Variants in ADGRE1 observed in about 807,000 individuals in gnomAD.
The protein encoded by ADGRE1 is EGF-like module receptor 1.
In ADGRE1, 82 loss-of-function variants were observed where a neutral mutation model predicts 102.7. That is an observed-to-expected ratio of 0.80 (90% confidence interval 0.67 to 0.96). ADGRE1 has a LOEUF of 0.96. Ranked by LOEUF, ADGRE1 falls within the 40% of genes least tolerant of loss-of-function variation. The probability of loss-of-function intolerance (pLI) is 0.00; values close to 1 mark genes in which losing one functional copy is unlikely to be tolerated. For missense variants in ADGRE1, 1,032 were observed against 1,085.3 expected (o/e 0.95, Z 0.69); for synonymous variants, 398 against 399.6 (o/e 1.00, Z 0.05).
At chr19:6,923,033 T>C (rs1482743215) in intron 14 of ADGRE1, among the ~76,000 whole-genome samples, 1 of 152,142 alleles carries the variant, frequency 6.6e-6, no homozygotes, top group Non-Finnish European at 1.5e-5. Flanking sequence ...GCTGAGATCA[T>C]GCCACTGTAC....
At chr19:6,920,236 T>C (rs375646013) in intron 13 of ADGRE1, among the ~76,000 whole-genome samples, 6 of 84,090 alleles carry the variant, frequency 7.1e-5, no homozygotes, top group African/African-American at 2.5e-4. Context: ...TGCTTCTTTT[T>C]TTTTTTTTAG....
chr19:6,911,635 A>C (rs539015185), intron 10 of ADGRE1, among the ~76,000 whole-genome samples: 2 of 151,716 alleles, frequency 1.3e-5, no homozygotes, highest in East Asian at 3.9e-4. Context: ...AAATAAACAC[A>C]CACACATATA....
intron 18 of ADGRE1, among the ~76,000 whole-genome samples, chr19:6,935,325 T>C (rs1835637225): frequency 6.6e-6 from 1 of 152,136 alleles, no homozygotes; most frequent in East Asian, 1.9e-4. Flanking sequence ...AATGGGGATA[T>C]TAACATTGCT....
intron 2 of ADGRE1, chr19:6,895,818 A>T (rs1459092343): frequency 3.9e-5 from 6 of 152,226 alleles, no homozygotes; most frequent in African/African-American, 1.4e-4. Context: ...TGACTCACAG[A>T]CCCTACTCTG....
chr19:6,897,173 C>G lies in ADGRE1; in HGVS notation c.263C>G (p.Pro88Arg), dbSNP rs1462025209. Residue 88 changes from proline (P) to arginine (R), a missense_variant, in exon 4 of 21, where the codon CCC (proline) becomes CGC (arginine). Physicochemically the swap from Pro to Arg is moderately radical, Grantham distance 103. Coordinates refer to ENST00000312053, the MANE Select transcript of ADGRE1 (RefSeq NM_001974.5). ...CKDIDECSQS[P>R]QPCGPNSSCK... is the part of the protein sequence containing the mutation. ...GATATTGATGAATGTTCTCAAAGCC[C>G]CCAGCCCTGTGGTCCTAACTCATCC... is the stretch of plus-strand genomic sequence containing the variant. The G allele has an allele frequency of 6.2e-7, 1 of 1,611,882 alleles. No homozygotes were observed.
chr19:6,913,839 C>A lies in ADGRE1; in HGVS notation c.1300+9C>A. ...TCGGACGGAATACTTAGGTAGGAGA[C>A]ACCCTTTGTGGCAAGGTTACACCTA... is the stretch of plus-strand genomic sequence containing the variant. On this transcript the variant is annotated intron_variant, in intron 11 of 20. Coordinates refer to ENST00000312053, the MANE Select transcript of ADGRE1 (RefSeq NM_001974.5). 1 of 1,567,820 alleles carries A rather than the reference C, an allele frequency of 6.4e-7. No individual in the cohort carries two copies. The highest frequency in any genetic ancestry group is 1.2e-5 in the South Asian group (1 of 84,476).
intron 17 of ADGRE1, among the ~76,000 whole-genome samples, chr19:6,929,756 C>G (rs10404606): frequency 0.5 from 76,144 of 151,954 alleles, 20,231 homozygotes; most frequent in African/African-American, 0.67. Flanking sequence ...CCTGACCTCA[C>G]GTAGTTTGCC....
chr19:6,940,185 C>A lies in ADGRE1; in HGVS notation c.*156C>A. On this transcript the variant is annotated 3_prime_UTR_variant, in exon 21 of 21. Coordinates refer to ENST00000312053, the MANE Select transcript of ADGRE1 (RefSeq NM_001974.5). ...GGGAAGAATGTTGGGGGCGGTCTTC[C>A]TGTGGTTGTATGCACTGATGAGAAA... 1 of 831,018 alleles carries A rather than the reference C, an allele frequency of 1.2e-6. No homozygotes were observed. Among genetic ancestry groups the A allele is most frequent in the Non-Finnish European group, 1.9e-6 (1 of 518,714 alleles). The allele number at this position is 831,018 out of a possible 1,614,324, so 51.5% of individuals were successfully genotyped here.
Position 6,921,873 on chromosome 19 carries a change from G to T in ADGRE1, c.1781G>T (p.Gly594Val), listed in dbSNP as rs1230025717. ...AATCTTGCCGTTATCATGGCGTCTGGGGAGCTCACGGTCAGTACTGATGAT... is the reference window on the plus strand; with the variant it reads ...AATCTTGCCGTTATCATGGCGTCTGTGGAGCTCACGGTCAGTACTGATGAT... Reference protein sequence around the residue: ...MANLAVIMASGELTMDFSLYI... With the variant: ...MANLAVIMASVELTMDFSLYI... The change falls in exon 14 of 21, where the codon GGG becomes GTG. Residue 594 changes from glycine (G) to valine (V), a missense_variant. Coordinates refer to ENST00000312053, the MANE Select transcript of ADGRE1 (RefSeq NM_001974.5). 12 of 1,613,382 alleles carry T rather than the reference G, an allele frequency of 7.4e-6. No individual in the cohort carries two copies. Among genetic ancestry groups the T allele is most frequent in the Non-Finnish European group, 1.0e-5 (12 of 1,179,758 alleles).
chr19:6,888,005 T>G (rs1041184300), intron 1 of ADGRE1, among the ~76,000 whole-genome samples: 2 of 152,214 alleles, frequency 1.3e-5, no homozygotes, highest in African/African-American at 4.8e-5. Context: ...CACTTAGCAC[T>G]GCTGTAACTT....
intron 9 of ADGRE1, among the ~76,000 whole-genome samples, chr19:6,908,411 G>A (rs914730437): frequency 7.2e-5 from 11 of 152,146 alleles, no homozygotes; most frequent in African/African-American, 2.2e-4. Context: ...CTCTAGTGCC[G>A]CTGGCTTAGG....
At chr19:6,904,607 G>A (rs1181513055) in intron 8 of ADGRE1, among the ~76,000 whole-genome samples, 6 of 149,758 alleles carry the variant, frequency 4.0e-5, no homozygotes, top group South Asian at 2.1e-4. Flanking sequence ...CCGGGTTCAC[G>A]CCATTCTTCT....
In ADGRE1 at chr19:6,903,945, G is replaced by A. The variant is rs774802395; in HGVS notation, c.797G>A (p.Cys266Tyr). Reference sequence around the variant, plus strand: ...AATTTCACAGACCAAGGAGTGGAATGTAGAGGTGAGCAGAGAGTTTGATGG... The same window carrying A: ...AATTTCACAGACCAAGGAGTGGAATATAGAGGTGAGCAGAGAGTTTGATGG... ...QLNFTDQGVE[C>Y]RDIDECRQDP... The change falls in exon 7 of 21, where the codon TGT becomes TAT. Residue 266 changes from cysteine (C) to tyrosine (Y), a missense_variant. Physicochemically the swap from Cys to Tyr is radical, Grantham distance 194 (BLOSUM62 -2). Transcript: ENST00000312053. The A allele has an allele frequency of 3.7e-6, 6 of 1,614,106 alleles. No homozygotes were observed. The highest frequency in any genetic ancestry group is 2.7e-5 in the African/African-American group (2 of 74,946).
At chr19:6,917,696 C>T (rs572094244) in intron 12 of ADGRE1, among the ~76,000 whole-genome samples, 5 of 146,584 alleles carry the variant, frequency 3.4e-5, no homozygotes, top group African/African-American at 5.1e-5. Flanking sequence ...GCTGAGATCG[C>T]GCCACTGCAC....
At chr19:6,921,672 C>G in intron 13 of ADGRE1, 41 bp from the exon 14 acceptor site, 1 of 1,515,676 alleles carries the variant, frequency 6.6e-7, no homozygotes, top group Non-Finnish European at 8.8e-7. Context: ...GATGGGGATT[C>G]CCAGAAGACC....
At chr19:6,928,543 C>G in intron 17 of ADGRE1, 1 of 362,662 alleles carries the variant, frequency 2.8e-6, no homozygotes, top group Non-Finnish European at 5.0e-6. Context: ...AGGAGAATCG[C>G]TTGAATCCAG....
intron 20 of ADGRE1, among the ~76,000 whole-genome samples, chr19:6,938,269 G>A (rs1267849071): frequency 2.0e-5 from 3 of 151,980 alleles, no homozygotes; most frequent in Non-Finnish European, 4.4e-5. Context: ...CCCAAGAGGC[G>A]GAGGTTGCAG....
chr19:6,920,223 G>GTTT (rs1974587279), intron 13 of ADGRE1, among the ~76,000 whole-genome samples: 1 of 111,360 alleles, frequency 9.0e-6, no homozygotes, highest in African/African-American at 4.6e-5. Flanking sequence ...GCTATGTGGT[G>GTTT]GTTGCTTCTT....
At chr19:6,925,418 C>T (rs951148370) in intron 15 of ADGRE1, among the ~76,000 whole-genome samples, 37 of 152,176 alleles carry the variant, frequency 2.4e-4, no homozygotes, top group Admixed American at 2.6e-4. Context: ...CCATCACGCA[C>T]GGCCCCTCCT....
Sources: allele counts gnomAD v4.1 joint callset (sites outside exome capture counted in the v4.1 genomes callset), GRCh38; gene constraint gnomAD v4.1.1; transcripts MANE v1.5; gene names NCBI Gene and HGNC (gene_info 2026-07-23, HGNC 2026-07-21).